Variants in CMTM1 observed in about 807,000 individuals in gnomAD.
CMTM1 encodes the protein CKLF like MARVEL transmembrane domain containing 1, also known as CKLF-like MARVEL transmembrane domain-containing protein 1.
CMTM1 carries 16 observed loss-of-function variants against 17.8 expected under a neutral mutation model. The observed-to-expected ratio is 0.90, with a 90% CI of 0.61 to 1.37. The LOEUF (loss-of-function observed/expected upper bound fraction) is 1.37. Ranked by LOEUF, CMTM1 falls within the 40% of genes most tolerant of loss-of-function variation. The probability of loss-of-function intolerance (pLI) is 0.00; values close to 1 mark genes in which losing one functional copy is unlikely to be tolerated. For missense variants in CMTM1, 354 were observed against 375.6 expected (o/e 0.94, Z 0.47); for synonymous variants, 169 against 154.6 (o/e 1.09, Z -0.69).
chr16:66,576,386 G>A (rs1447517485), intron 2 of CMTM1, among the ~76,000 whole-genome samples: 13 of 151,080 alleles, frequency 8.6e-5, no homozygotes, highest in Admixed American at 1.3e-4. Flanking sequence ...TGACAAGAGC[G>A]AAACTCTGTC....
intron 2 of CMTM1, among the ~76,000 whole-genome samples, chr16:66,576,359 T>C: frequency 6.6e-6 from 1 of 151,794 alleles, no homozygotes; most frequent in East Asian, 1.9e-4. Context: ...GATCGCACCA[T>C]TGCACTCTAG....
At chr16:66,567,430 G>C (rs2012724838) in intron 1 of CMTM1, 1 of 246,534 alleles carries the variant, frequency 4.1e-6, no homozygotes, top group Non-Finnish European at 8.0e-6. Flanking sequence ...TCTTGCGTTA[G>C]TTTGCTGAGA....
chr16:66,570,381 A>G (rs1307391051), intron 2 of CMTM1, among the ~76,000 whole-genome samples: 1 of 152,240 alleles, frequency 6.6e-6, no homozygotes, highest in Non-Finnish European at 1.5e-5. Context: ...TAGTATATAA[A>G]GTAGGTAAGC....
intron 2 of CMTM1, among the ~76,000 whole-genome samples, chr16:66,570,374 T>C (rs2013326858): frequency 6.6e-6 from 1 of 152,182 alleles, no homozygotes; most frequent in Non-Finnish European, 1.5e-5. Flanking sequence ...ATATACTTAG[T>C]ATATAAAGTA....
intron 2 of CMTM1, chr16:66,571,123 T>G: frequency 2.2e-6 from 1 of 456,766 alleles, no homozygotes. Flanking sequence ...TGCTGAGCTC[T>G]CTCTGTCCCA....
At chr16:66,570,760 T>A (rs1477964180) in intron 2 of CMTM1, among the ~76,000 whole-genome samples, 2 of 152,254 alleles carry the variant, frequency 1.3e-5, no homozygotes, top group Non-Finnish European at 2.9e-5. Context: ...ACTAGCTATG[T>A]AACCTTTAGC....
At position 66,566,919 on chromosome 16, in the gene CMTM1, A is replaced by T; in HGVS notation, c.406A>T (p.Thr136Ser). 1 of 1,614,172 alleles carries T rather than the reference A, an allele frequency of 6.2e-7. No individual in the cohort carries two copies. Among genetic ancestry groups the T allele is most frequent in the Non-Finnish European group, 8.5e-7 (1 of 1,180,036 alleles). ...DSLKRFSFSP[T>S]GMLKILRLSL... is the part of the protein sequence containing the mutation. ...CCTCAAACGTTTCTCCTTCTCGCCC[A>T]CTGGAATGTTGAAGATCCTGAGACT... is the stretch of plus-strand genomic sequence containing the variant. The change falls in exon 1 of 4, where the codon ACT becomes TCT. Residue 136 changes from threonine (T) to serine (S), a missense_variant. Physicochemically the swap from Thr to Ser is moderately conservative, Grantham distance 58. Coordinates refer to ENST00000379500, the MANE Select transcript of CMTM1 (RefSeq NM_052999.4). This position sits in a 1 kb window ranked among gnomAD's most constrained non-coding sequence, Gnocchi z 4.9.
intron 3 of CMTM1, 151 bp downstream of exon 3, chr16:66,577,353 T>C (rs574343077): frequency 5.1e-6 from 3 of 585,298 alleles, no homozygotes; most frequent in Non-Finnish European, 9.1e-6. Flanking sequence ...TGATATGAAG[T>C]TGCACAAACT....
At position 66,566,772 on chromosome 16, in the gene CMTM1, C is replaced by A. The variant is rs773558250; in HGVS notation, c.259C>A (p.Pro87Thr). The A allele has an allele frequency of 6.2e-7, 1 of 1,613,400 alleles. No homozygotes were observed. Among genetic ancestry groups the A allele is most frequent in the Non-Finnish European group, 8.5e-7 (1 of 1,179,702 alleles). ...AAGGAAAGCCACCACACGCCCACCC[C>A]CAAAGCCCACACTCCCACCCCCCAC... ...PSRKATTRPP[P>T]KPTLPPPTPS... The change falls in exon 1 of 4, where the codon CCA becomes ACA. Residue 87 changes from proline to threonine, a missense_variant. By Grantham distance (38) the Pro-to-Thr change is conservative. Transcript: ENST00000379500. This position sits in a 1 kb window ranked among gnomAD's most constrained non-coding sequence, Gnocchi z 4.9.
At position 66,570,023 on chromosome 16, in the gene CMTM1, G is replaced by A; in HGVS notation, c.520G>A (p.Val174Ile). 1 of 1,612,674 alleles carries A rather than the reference G, an allele frequency of 6.2e-7. No individual in the cohort carries two copies. The highest frequency in any genetic ancestry group is 8.5e-7 in the Non-Finnish European group (1 of 1,179,152). ...ITITSLEICI[V>I]VFFILIYVLT... ...AATCACAAGTCTGGAAATCTGCATT[G>A]TCGTTTTTTTTATTCTAATATATGT... Residue 174 changes from valine to isoleucine, a missense_variant, in exon 2 of 4, where the codon GTC becomes ATC. Physicochemically the swap from Val to Ile is conservative, Grantham distance 29. Transcript: ENST00000379500.
intron 2 of CMTM1, among the ~76,000 whole-genome samples, chr16:66,576,738 T>C (rs1440900629): frequency 2.0e-5 from 3 of 152,194 alleles, no homozygotes; most frequent in Non-Finnish European, 4.4e-5. Context: ...TTAAAAAATA[T>C]AAGACTTCCC....
chr16:66,578,985 C>G lies in CMTM1; in HGVS notation c.845C>G (p.Pro282Arg). 1 of 1,613,402 alleles carries G rather than the reference C, an allele frequency of 6.2e-7. No homozygotes were observed. The change falls in exon 4 of 4, where the codon CCG (proline) becomes CGG (arginine). Residue 282 changes from proline (P) to arginine (R), a missense_variant. Pro to Arg is a moderately radical substitution (Grantham distance 103). Coordinates refer to ENST00000379500, the MANE Select transcript of CMTM1 (RefSeq NM_052999.4). ...TACCCCGAAACCGGCCCCGACGCCC[C>G]GCAGAGGCCCGCCTGAAGCCAGCCC... is the stretch of plus-strand genomic sequence containing the variant. ...DAYPETGPDA[P>R]QRPA
At position 66,578,839 on chromosome 16, in the gene CMTM1, T is replaced by A. The variant is rs748877941; in HGVS notation, c.699T>A (p.Cys233Ter). The A allele has an allele frequency of 6.8e-6, 11 of 1,614,142 alleles. No homozygotes were observed. The highest frequency in any genetic ancestry group is 9.3e-6 in the Non-Finnish European group (11 of 1,180,006). ...RHLLYVGGSLCLTAVIVCCID... is the reference protein window; with the variant it reads ...RHLLYVGGSL ...GGTCTTGTATCTGACAGTCCCTGTG[T>A]CTCACAGCGGTAATCGTGTGTTGCA... Residue 233 changes from cysteine to a stop codon, truncating the protein, a stop_gained, in exon 4 of 4, where the codon TGT (cysteine) becomes TGA (stop). Transcript: ENST00000379500. LOFTEE classifies it low-confidence loss of function (END_TRUNC).
chr16:66,571,297 C>T (rs1013955343), intron 2 of CMTM1: 2 of 412,522 alleles, frequency 4.8e-6, no homozygotes, highest in Non-Finnish European at 9.6e-6. Context: ...TGAGCATATA[C>T]CATGTGCCAG....
At chr16:66,578,101 G>A (rs2014473173) in intron 3 of CMTM1, among the ~76,000 whole-genome samples, 1 of 152,150 alleles carries the variant, frequency 6.6e-6, no homozygotes, top group Non-Finnish European at 1.5e-5. Flanking sequence ...GTTGTCAAGA[G>A]TCCCGGAGTG....
In CMTM1 at chr16:66,566,794, C is replaced by A; in HGVS notation, c.281C>A (p.Pro94His). Residue 94 changes from proline to histidine, a missense_variant, in exon 1 of 4, where the codon CCC becomes CAC. Coordinates refer to ENST00000379500, the MANE Select transcript of CMTM1 (RefSeq NM_052999.4). This position sits in a 1 kb window ranked among gnomAD's most constrained non-coding sequence, Gnocchi z 4.9. ...RPPPKPTLPP[P>H]TPSAHTESKL... ...CCCCCAAAGCCCACACTCCCACCCC[C>A]CACGCCCTCTGCACACACTGAATCC... is the stretch of plus-strand genomic sequence containing the variant. The A allele has an allele frequency of 6.2e-7, 1 of 1,613,462 alleles. No homozygotes were observed. The highest frequency in any genetic ancestry group is 8.5e-7 in the Non-Finnish European group (1 of 1,179,692).
At chr16:66,573,413 T>G (rs983143561) in intron 2 of CMTM1, among the ~76,000 whole-genome samples, 11 of 152,174 alleles carry the variant, frequency 7.2e-5, no homozygotes, top group African/African-American at 2.7e-4. Flanking sequence ...AATTATGAAT[T>G]TGAATTATTG....
In CMTM1 at chr16:66,569,928, T is replaced by C. The variant is rs2013235806; in HGVS notation, c.433-8T>C. 1 of 1,572,960 alleles carries C rather than the reference T, an allele frequency of 6.4e-7. No homozygotes were observed. Among genetic ancestry groups the C allele is most frequent in the African/African-American group, 1.4e-5 (1 of 72,510 alleles). ...GCATTAAAACAAATCCTGTTTCTTTTATTGCAGAGTCTTATCTTAGGAGCA... is the reference window on the plus strand; with the variant it reads ...GCATTAAAACAAATCCTGTTTCTTTCATTGCAGAGTCTTATCTTAGGAGCA... On this transcript the variant is annotated splice_region_variant and splice_polypyrimidine_tract_variant and intron_variant, in intron 1 of 3. Transcript: ENST00000379500.
intron 2 of CMTM1, 43 bp from the exon 3 acceptor site, chr16:66,577,061 A>G (rs1348565542): frequency 3.2e-6 from 5 of 1,551,112 alleles, no homozygotes; most frequent in African/African-American, 1.4e-5. Flanking sequence ...TTGTGAAATT[A>G]TATTGTTGTG....
Sources: gnomAD v4.1 joint callset for allele counts (sites outside exome capture counted in the v4.1 genomes callset) on GRCh38, gnomAD v4.1.1 for gene constraint, Gnocchi (gnomAD v3.1) non-coding constraint, MANE v1.5 for transcripts, NCBI Gene and HGNC (gene_info 2026-07-23, HGNC 2026-07-21) for gene names.